TTC16: variants seen among roughly 807,000 people sequenced by gnomAD.
TTC16 encodes tetratricopeptide repeat domain 16.
TTC16 carries 66 observed loss-of-function variants against 80.4 expected under a neutral mutation model. The observed-to-expected ratio is 0.82, with a 90% CI of 0.67 to 1.01. The LOEUF (loss-of-function observed/expected upper bound fraction) is 1.01. TTC16 is among the 50% of genes least tolerant of loss of function. The pLI, the probability that TTC16 is intolerant of heterozygous loss-of-function variation, is 0.00. For synonymous variants in TTC16, 438 were observed against 451.3 expected, an observed-to-expected ratio of 0.97 and a Z score of 0.37; for missense variants, 1,070 against 1,103.2, an observed-to-expected ratio of 0.97 and a Z score of 0.43.
intron 9 of TTC16, among the ~76,000 whole-genome samples, chr9:127,725,379 C>G (rs1843854764): frequency 6.6e-6 from 1 of 150,500 alleles, no homozygotes; most frequent in Non-Finnish European, 1.5e-5. Context: ...CCTGGCTAAC[C>G]TGGTGAAACC....
At chr9:127,727,698 A>G (rs1844094301) in intron 12 of TTC16, 1 of 786,494 alleles carries the variant, frequency 1.3e-6, no homozygotes, top group Non-Finnish European at 1.8e-6. Context: ...GAGGAGTCAC[A>G]GCCCTGCTCA....
intron 9 of TTC16, 132 bp from the exon 10 acceptor site, chr9:127,726,107 G>A: frequency 1.7e-6 from 1 of 599,380 alleles, no homozygotes; most frequent in East Asian, 3.2e-5. Flanking sequence ...GATGGAGAGA[G>A]AGGAGAGGGG....
At chr9:127,730,166 T>C (rs972376385) in intron 13 of TTC16, 5 of 225,910 alleles carry the variant, frequency 2.2e-5, no homozygotes, top group African/African-American at 1.1e-4. Flanking sequence ...ATGACTGGCA[T>C]AGTCCTTGCC....
At position 127,722,446 on chromosome 9, in the gene TTC16, G is replaced by C. The variant is rs1277348727; in HGVS notation, c.658-673G>C. Among the ~76,000 whole-genome samples, 1 of 152,182 alleles carries C rather than the reference G, an allele frequency of 6.6e-6. No homozygotes were observed. The highest frequency in any genetic ancestry group is 1.5e-5 in the Non-Finnish European group (1 of 68,024). ...GGCTCAAAGGTCAGGGAGGAGAAGA[G>C]GGAGTGCAGGGGAGGGGAGGGAGGA... On this transcript the variant is annotated intron_variant, in intron 6 of 13. Transcript: ENST00000373289. This position sits in a 1 kb window ranked among gnomAD's most constrained non-coding sequence, Gnocchi z 4.2.
chr9:127,723,385 C>T (rs1448513094), intron 7 of TTC16, 52 bp downstream of exon 7: 1 of 1,561,412 alleles, frequency 6.4e-7, no homozygotes, highest in African/African-American at 1.4e-5. Flanking sequence ...CCCAGCCAGA[C>T]TTTCTGTGTG....
At position 127,729,598 on chromosome 9, in the gene TTC16, C is replaced by T. The variant is rs1448879833; in HGVS notation, c.1782C>T (p.Leu594=). 1.2e-6 allele frequency: 2 copies of T among 1,613,846 alleles called. No homozygotes were observed. Among genetic ancestry groups the T allele is most frequent in the Non-Finnish European group, 1.7e-6 (2 of 1,180,002 alleles). ...TGCCATAGGAGAAAAAATCAGAGCT[C>T]ATACCTAGCAAGGTGGCGTCCCTGT... ...KEKKEEKKSE[L]IPSKVASLSD... The change falls in exon 13 of 14, where the codon CTC becomes CTT. Residue 594 remains leucine (L), a synonymous_variant. Transcript: ENST00000373289.
intron 13 of TTC16, chr9:127,730,005 G>A (rs1018368451): frequency 1.4e-5 from 4 of 295,388 alleles, no homozygotes; most frequent in African/African-American, 8.7e-5. Flanking sequence ...GTGAAGAATG[G>A]GGAGGCTGCT....
In TTC16 at chr9:127,718,511, C is replaced by T. The variant is rs1357859691; in HGVS notation, c.426+739C>T. On this transcript the variant is annotated intron_variant, in intron 4 of 13. Transcript: ENST00000373289. This position sits in a 1 kb window ranked among gnomAD's most constrained non-coding sequence, Gnocchi z 4.6. Reference sequence around the variant, plus strand: ...TAAGCACTAAAAAGGTCACAGTGACCCCTAAGTGTATTTCAAAGGAAAAAC... The same window carrying T: ...TAAGCACTAAAAAGGTCACAGTGACTCCTAAGTGTATTTCAAAGGAAAAAC... 1.3e-5 allele frequency among the ~76,000 whole-genome samples: 2 copies of T among 152,128 alleles called. No individual in the cohort carries two copies. Among genetic ancestry groups the T allele is most frequent in the East Asian group, 3.9e-4 (2 of 5,192 alleles).
At chr9:127,720,517 GGT>G in intron 6 of TTC16, 122 bp downstream of exon 6, 1 of 1,292,610 alleles carries the variant, frequency 7.7e-7, no homozygotes. Context: ...CAGTGCAGTG[GGT>G]GCTGTCCTCC....
chr9:127,730,615 C>T (rs1181370688), intron 13 of TTC16, 21 bp from the exon 14 acceptor site: 1 of 1,606,896 alleles, frequency 6.2e-7, no homozygotes, highest in Non-Finnish European at 8.5e-7. Flanking sequence ...CTGATGGGTG[C>T]TTTTGGCACC....
At position 127,727,401 on chromosome 9, in the gene TTC16, G is replaced by A. The variant is rs577005331; in HGVS notation, c.1700G>A (p.Gly567Glu). The A allele has an allele frequency of 1.9e-6, 3 of 1,611,058 alleles. No individual in the cohort carries two copies. The highest frequency in any genetic ancestry group is 2.7e-5 in the African/African-American group (2 of 75,020). Residue 567 changes from glycine to glutamate, a missense_variant, in exon 12 of 14, where the codon GGA becomes GAA. Gly to Glu is a moderately conservative substitution (Grantham distance 98, BLOSUM62 -2). Transcript: ENST00000373289. The stretch of plus-strand genomic sequence containing the variant: ...CCTGAGATTCCGCAGGTAAAACCGG[G>A]AAGCTCAGAGGGAGAGGCTGAGGCC... ...ATPEIPQVKPGSSEGEAEAPE... is the reference protein window; with the variant it reads ...ATPEIPQVKPESSEGEAEAPE...
In TTC16 at chr9:127,727,071, G is replaced by A; in HGVS notation, c.1527G>A (p.Val509=). 1 of 1,611,486 alleles carries A rather than the reference G, an allele frequency of 6.2e-7. No homozygotes were observed. The highest frequency in any genetic ancestry group is 8.5e-7 in the Non-Finnish European group (1 of 1,179,352). The change falls in exon 11 of 14, where the codon GTG becomes GTA. Residue 509 remains valine (V), a synonymous_variant. Coordinates refer to ENST00000373289, the MANE Select transcript of TTC16 (RefSeq NM_144965.3). The part of the protein sequence containing the change: ...HLARLQLEQM[V]EGSLQAGSPQ... ...CCAGGCTGCAGCTGGAGCAGATGGT[G>A]GAGGGCAGCCTGCAGGCCGGCAGCC...
chr9:127,720,822 CCT>C, intron 6 of TTC16, among the ~76,000 whole-genome samples: 3 of 42,066 alleles, frequency 7.1e-5, no homozygotes, highest in African/African-American at 1.8e-4. Flanking sequence ...TTCTTTCTTC[CCT>C]CCTGCCTTCC....
rs554177345 is a variant in TTC16 at position 127,724,108 on chromosome 9, C to G, written c.873-12C>G. ...ATGTCCCTCCTGCCGTCTCCCACGC[C>G]CCCCCCGACAGGGGCACCATGTACC... is the stretch of plus-strand genomic sequence containing the variant. On this transcript the variant is annotated splice_polypyrimidine_tract_variant and intron_variant, in intron 7 of 13. Transcript: ENST00000373289. 42 of 1,596,170 alleles carry G rather than the reference C, an allele frequency of 2.6e-5. No homozygotes were observed. The East Asian group carries it at 7.8e-4, about 30-fold the overall frequency.
rs551790000 is a variant in TTC16, at chr9:127,729,645, C to T, written c.1829C>T (p.Thr610Ile). The part of the protein sequence containing the change: ...ASLSDSYLDQ[T>I]SSASSMSFRT... ...CTGTCTGACAGCTACCTTGACCAGACCTCTTCAGCCTCCAGCATGAGCTGT... is the reference window on the plus strand; with the variant it reads ...CTGTCTGACAGCTACCTTGACCAGATCTCTTCAGCCTCCAGCATGAGCTGT... Residue 610 changes from threonine to isoleucine, a missense_variant, in exon 13 of 14, where the codon ACC (threonine) becomes ATC (isoleucine). Thr to Ile is a moderately conservative substitution (Grantham distance 89). Coordinates refer to ENST00000373289, the MANE Select transcript of TTC16 (RefSeq NM_144965.3). 1 of 1,613,568 alleles carries T rather than the reference C, an allele frequency of 6.2e-7. No homozygotes were observed. The highest frequency in any genetic ancestry group is 8.5e-7 in the Non-Finnish European group (1 of 1,180,002).
In TTC16 at chr9:127,727,092, C is replaced by A. The variant is rs1270410060; in HGVS notation, c.1548C>A (p.Gly516=). The A allele has an allele frequency of 1.2e-6, 2 of 1,607,130 alleles. No homozygotes were observed. The highest frequency in any genetic ancestry group is 1.7e-6 in the Non-Finnish European group (2 of 1,176,770). The change falls in exon 11 of 14, where the codon GGC becomes GGA. Residue 516 remains glycine (G), a synonymous_variant. Transcript: ENST00000373289. The stretch of plus-strand genomic sequence containing the variant: ...TGGTGGAGGGCAGCCTGCAGGCCGG[C>A]AGCCCACAAGGCATTGTGGGGTAAG... ...EQMVEGSLQA[G]SPQGIVGMLK...
intron 6 of TTC16, among the ~76,000 whole-genome samples, chr9:127,721,119 AG>A (rs1843476592): frequency 6.6e-6 from 1 of 151,702 alleles, no homozygotes; most frequent in African/African-American, 2.4e-5. Flanking sequence ...AAGGAGGTGG[AG>A]GGGGTGCTGG....
rs760534460 is a variant in TTC16 at position 127,724,261 on chromosome 9, C to A, written c.1014C>A (p.Ala338=). Residue 338 remains alanine, a synonymous_variant, in exon 8 of 14, where the codon GCC becomes GCA. Transcript: ENST00000373289. ...TGTTGCTGACCTACAACGACTTTGCCGTGCACTGCTACAGGCAGGGCGCCT... is the reference window on the plus strand; with the variant it reads ...TGTTGCTGACCTACAACGACTTTGCAGTGCACTGCTACAGGCAGGGCGCCT... The part of the protein sequence containing the change: ...RQLLLTYNDF[A]VHCYRQGAYQ... 1.2e-6 allele frequency: 2 copies of A among 1,613,078 alleles called. No individual in the cohort carries two copies. The highest frequency in any genetic ancestry group is 2.2e-5 in the South Asian group (2 of 91,080).
At chr9:127,720,211 C>A in intron 5 of TTC16, 33 bp downstream of exon 5, 1 of 1,613,588 alleles carries the variant, frequency 6.2e-7, no homozygotes, top group South Asian at 1.1e-5. Flanking sequence ...TCTCCCAGCA[C>A]CCACTTCCTG....
Sources: gnomAD v4.1 joint callset for allele counts (sites outside exome capture counted in the v4.1 genomes callset) on GRCh38, gnomAD v4.1.1 for gene constraint, Gnocchi (gnomAD v3.1) non-coding constraint, MANE v1.5 for transcripts, NCBI Gene and HGNC (gene_info 2026-07-23, HGNC 2026-07-21) for gene names.